The following RSRP1 variants were observed in gnomAD, a reference collection of about 807,000 sequenced individuals.
RSRP1 encodes arginine/serine-rich protein 1.
Under a neutral mutation model 33.0 loss-of-function variants are expected in RSRP1, and 37 were observed. The observed-to-expected ratio is 1.12, with a 90% CI of 0.86 to 1.48. RSRP1 has a LOEUF of 1.48. Ranked by LOEUF, RSRP1 falls within the 40% of genes most tolerant of loss-of-function variation. The pLI, the probability that RSRP1 is intolerant of heterozygous loss-of-function variation, is 0.00. For synonymous variants in RSRP1, 167 were observed against 158.7 expected (o/e 1.05, Z -0.40); for missense variants, 402 against 385.3 (o/e 1.04, Z -0.36).
rs1643593744 is a variant in RSRP1, at chr1:25,303,893, T to C, written c.-67+34085A>G. Among the ~76,000 whole-genome samples the C allele has an allele frequency of 1.7e-5, 2 of 120,458 alleles. 1 individual carries two copies. The highest frequency in any genetic ancestry group is 3.9e-5 in the Non-Finnish European group (2 of 51,164). The allele number at this position is 120,458 out of a possible 152,430, so 79.0% of individuals were successfully genotyped here. On this transcript the variant is annotated intron_variant, in intron 1 of 1. Transcript: ENST00000561867. ...CAAGAAAGCAGCCTGGTGGATGGAA[T>C]CTCTTGGCCCCAATCCCAAATTCTC... is the stretch of plus-strand genomic sequence containing the variant.
chr1:25,249,756 CAA>C (rs1230457171), upstream of RSRP1, among the ~76,000 whole-genome samples: 1 of 152,190 alleles, frequency 6.6e-6, no homozygotes, highest in Non-Finnish European at 1.5e-5. Context: ...TTAAAGTCTG[CAA>C]AGTCACCTTC....
intron 1 of RSRP1, 129 bp downstream of exon 1, chr1:25,247,180 C>T: frequency 2.0e-6 from 1 of 496,634 alleles, no homozygotes; most frequent in Non-Finnish European, 3.5e-6. Context: ...CCCCGCTCGG[C>T]GCCCTGAGGC....
intron 1 of RSRP1, among the ~76,000 whole-genome samples, chr1:25,318,625 G>C (rs1231619316): frequency 7.6e-6 from 1 of 131,942 alleles, no homozygotes; most frequent in African/African-American, 2.6e-5. Flanking sequence ...ATCCAGAACT[G>C]TTCACCTTTA....
upstream of RSRP1, chr1:25,248,421 T>G (rs767235330): frequency 2.7e-5 from 4 of 145,866 alleles, no homozygotes; most frequent in Non-Finnish European, 6.0e-5. Flanking sequence ...CCATCACGGC[T>G]CACTGCAGCC....
chr1:25,291,305 C>A (rs1642483704), intron 1 of RSRP1, among the ~76,000 whole-genome samples: 1 of 129,832 alleles, frequency 7.7e-6, no homozygotes, highest in African/African-American at 2.6e-5. Flanking sequence ...CTCATCTCTA[C>A]TAAAAATACA....
rs1040016367 is a variant in RSRP1, at chr1:25,258,893, G to A, written c.-66-11864C>T. Among the ~76,000 whole-genome samples the A allele has an allele frequency of 9.2e-5, 14 of 152,110 alleles. 1 individual carries two copies. The highest frequency in any genetic ancestry group is 1.9e-4 in the East Asian group (1 of 5,188). On this transcript the variant is annotated intron_variant, in intron 1 of 1. Coordinates refer to the RSRP1 transcript ENST00000561867. ...ATTTTAGAGGTGTTATCCAATGTTC[G>A]CGCAGGCACTGGAGTCAGAGAAAAT...
At chr1:25,263,374 T>C (rs1399629788) in intron 1 of RSRP1, among the ~76,000 whole-genome samples, 3 of 151,692 alleles carry the variant, frequency 2.0e-5, no homozygotes, top group Non-Finnish European at 4.4e-5. Flanking sequence ...AGAGGTTTAA[T>C]GGACTTACAG....
At position 25,282,924 on chromosome 1, in the gene RSRP1, A is replaced by ACC. The variant is rs1323894424; in HGVS notation, c.-66-35896_-66-35895insGG. Among the ~76,000 whole-genome samples the ACC allele has an allele frequency of 1.4e-4, 19 of 131,998 alleles. 1 individual carries two copies. The highest frequency in any genetic ancestry group is 4.9e-4 in the African/African-American group (19 of 38,838). The allele number at this position is 131,998 out of a possible 152,430, so 86.6% of individuals were successfully genotyped here. On this transcript the variant is annotated intron_variant, in intron 1 of 1. Coordinates refer to the RSRP1 transcript ENST00000561867. ...AAAAAATTGTCTACATGCTGGTTGCAGAAAATTTAAACACTAAAACTAAAA... is the reference window on the plus strand; with the variant it reads ...AAAAAATTGTCTACATGCTGGTTGCACCGAAAATTTAAACACTAAAACTAAAA...
At chr1:25,281,769 G>A (rs1454118639) in intron 1 of RSRP1, among the ~76,000 whole-genome samples, 2 of 131,576 alleles carry the variant, frequency 1.5e-5, no homozygotes, top group Admixed American at 7.4e-5. Context: ...TCTCACCCAC[G>A]CCCCAAATCC....
intron 1 of RSRP1, among the ~76,000 whole-genome samples, chr1:25,333,891 C>T (rs1039969770): frequency 1.5e-5 from 2 of 129,972 alleles, no homozygotes; most frequent in Non-Finnish European, 3.6e-5. Context: ...GACCTGTCCC[C>T]ATGATTCAGT....
chr1:25,310,158 G>T (rs1644063965), intron 1 of RSRP1, among the ~76,000 whole-genome samples: 1 of 132,580 alleles, frequency 7.5e-6, no homozygotes, highest in African/African-American at 2.5e-5. Context: ...AGTCAGTTTT[G>T]TCTGTTTTTG....
At chr1:25,296,366 C>T (rs1342146776) in intron 1 of RSRP1, among the ~76,000 whole-genome samples, 1 of 123,650 alleles carries the variant, frequency 8.1e-6, no homozygotes, top group African/African-American at 2.7e-5. Flanking sequence ...TGTGCCTCAC[C>T]CTCCCGAGTA....
chr1:25,247,347 G>A lies in RSRP1; in HGVS notation c.-105C>T, dbSNP rs1363008767. On this transcript the variant is annotated 5_prime_UTR_variant, in exon 1 of 5. Transcript: ENST00000243189. ...CGCCTCCCTCACGACTGAGAGAAAG[G>A]CTCAACAGACGCCTTCCTTTCGGAA... The A allele has an allele frequency of 4.6e-6, 1 of 219,258 alleles. No homozygotes were observed. The highest frequency in any genetic ancestry group is 5.5e-5 in the Admixed American group (1 of 18,100). The allele number at this position is 219,258 out of a possible 1,614,324, so 13.6% of individuals were successfully genotyped here.
upstream of RSRP1, chr1:25,247,459 G>T (rs117314913): frequency 6.5e-6 from 1 of 154,784 alleles, no homozygotes; most frequent in East Asian, 1.9e-4. Context: ...CGCACTGAGG[G>T]ACTACGTTAG....
chr1:25,270,399 G>A (rs1640456562), intron 1 of RSRP1, among the ~76,000 whole-genome samples: 1 of 130,768 alleles, frequency 7.6e-6, no homozygotes, highest in African/African-American at 2.6e-5. Flanking sequence ...CCTGAGCTCC[G>A]CCTCCTGTCA....
chr1:25,300,375 G>A lies in RSRP1; in HGVS notation c.-67+37603C>T, dbSNP rs1290288324. Among the ~76,000 whole-genome samples the A allele has an allele frequency of 2.3e-5, 3 of 130,570 alleles. 1 individual carries two copies. Among genetic ancestry groups the A allele is most frequent in the Non-Finnish European group, 5.4e-5 (3 of 55,438 alleles). The allele number at this position is 130,570 out of a possible 152,430, so 85.7% of individuals were successfully genotyped here. A position where few individuals can be genotyped will look rare whatever the true frequency, so the allele number is the denominator to read the frequency against. ...CAAAATTTAAAAATTGGCCAGGCAT[G>A]GTTGTACATTCCTGTAATCCCAGCT... On this transcript the variant is annotated intron_variant, in intron 1 of 1. Coordinates refer to the RSRP1 transcript ENST00000561867.
chr1:25,278,917 G>A (rs1475750148), intron 1 of RSRP1, among the ~76,000 whole-genome samples: 1 of 129,150 alleles, frequency 7.7e-6, no homozygotes, highest in Non-Finnish European at 1.8e-5. Context: ...TGAGGCTGCA[G>A]TGGTCTTTCC....
chr1:25,317,716 A>G (rs967041072), intron 1 of RSRP1, among the ~76,000 whole-genome samples: 1 of 42,398 alleles, frequency 2.4e-5, no homozygotes, highest in Admixed American at 2.4e-4. Flanking sequence ...GAGGAGGGAG[A>G]TATGCGATGC....
In RSRP1 at chr1:25,291,559, T is replaced by G. The variant is rs1025630013; in HGVS notation, c.-66-44530A>C. Among the ~76,000 whole-genome samples, 8 of 132,560 alleles carry G rather than the reference T, an allele frequency of 6.0e-5. 1 individual carries two copies. The highest frequency in any genetic ancestry group is 2.1e-4 in the African/African-American group (8 of 38,624). 87.0% of individuals were successfully genotyped at this position (132,560 alleles called of 152,430 possible). A position where few individuals can be genotyped will look rare whatever the true frequency, so the allele number is the denominator to read the frequency against. ...ACAAAAATGTGGTCTGTGCAAATGTTTAAACACAACAAACCAATGCCTTTA... is the reference window on the plus strand; with the variant it reads ...ACAAAAATGTGGTCTGTGCAAATGTGTAAACACAACAAACCAATGCCTTTA... On this transcript the variant is annotated intron_variant, in intron 1 of 1. Coordinates refer to the RSRP1 transcript ENST00000561867.
Sources: gnomAD v4.1 joint callset for allele counts (sites outside exome capture counted in the v4.1 genomes callset) on GRCh38, gnomAD v4.1.1 for gene constraint, MANE v1.5 for transcripts, NCBI Gene and HGNC (gene_info 2026-07-23, HGNC 2026-07-21) for gene names.